FUT8: variants seen among roughly 807,000 people sequenced by gnomAD.
FUT8 encodes fucosyltransferase 8, also known as alpha-(1,6)-fucosyltransferase.
A neutral mutation model predicts 71.3 loss-of-function variants in FUT8; 29 were observed. The observed-to-expected ratio is 0.41, with a 90% CI of 0.30 to 0.55. FUT8 has a LOEUF of 0.55. FUT8 is among the 20% of genes least tolerant of loss of function. The pLI, the probability that FUT8 is intolerant of heterozygous loss-of-function variation, is 0.34. For synonymous variants in FUT8, 254 were observed against 239.3 expected (o/e 1.06, Z -0.57); for missense variants, 544 against 702.1 (o/e 0.77, Z 2.55).
chr14:65,729,306 C>T (rs1226361734), intron 9 of FUT8, among the ~76,000 whole-genome samples: 1 of 152,040 alleles, frequency 6.6e-6, no homozygotes, highest in African/African-American at 2.4e-5. Context: ...CGTGAGCCAC[C>T]ATGCCCAGCC....
In FUT8 at chr14:65,413,372, G is replaced by T. The variant is rs1211618799; in HGVS notation, c.-326+158G>T. ...AACCAGCGGCTCTCGGAAAAGTGGGGAGGGAGCCCCCGGGACGCTCTGGCG... is the reference window on the plus strand; with the variant it reads ...AACCAGCGGCTCTCGGAAAAGTGGGTAGGGAGCCCCCGGGACGCTCTGGCG... On this transcript the variant is annotated intron_variant, in intron 1 of 10. Transcript: ENST00000673929. This position sits in a 1 kb window ranked among gnomAD's most constrained non-coding sequence, Gnocchi z 4.1. Among the ~76,000 whole-genome samples, 1 of 152,218 alleles carries T rather than the reference G, an allele frequency of 6.6e-6. No individual in the cohort carries two copies. Among genetic ancestry groups the T allele is most frequent in the African/African-American group, 2.4e-5 (1 of 41,470 alleles).
chr14:65,679,148 G>A (rs1190786590), intron 7 of FUT8, among the ~76,000 whole-genome samples: 1 of 152,168 alleles, frequency 6.6e-6, no homozygotes, highest in African/African-American at 2.4e-5. Flanking sequence ...ATCTTGCTGT[G>A]TTCACTGAAA....
rs117716616 is a variant in FUT8, at chr14:65,532,938, T to C, written c.-227-28399T>C. Among the ~76,000 whole-genome samples, 972 of 152,304 alleles carry C rather than the reference T, an allele frequency of 6.4e-3. 28 individuals are homozygous for C. The East Asian group carries it at 0.084, about 13-fold the overall frequency. On this transcript the variant is annotated intron_variant, in intron 2 of 10. Transcript: ENST00000673929. ...TTTGTAGGCTTTGTTGAAGATCAGATGGTTGTAGATATGCAGTCTTATTTC... is the reference window on the plus strand; with the variant it reads ...TTTGTAGGCTTTGTTGAAGATCAGACGGTTGTAGATATGCAGTCTTATTTC...
At chr14:65,383,502 C>T in the FUT8 span, among the ~76,000 whole-genome samples, 1 of 152,044 alleles carries the variant, frequency 6.6e-6, no homozygotes, top group Non-Finnish European at 1.5e-5. Flanking sequence ...GAACTCCTGA[C>T]CTTGTGATCC....
At chr14:65,618,960 C>T (rs1009605719) in intron 5 of FUT8, among the ~76,000 whole-genome samples, 5 of 152,014 alleles carry the variant, frequency 3.3e-5, no homozygotes, top group African/African-American at 1.2e-4. Context: ...GTGGGAGCCC[C>T]TGATTTGACA....
intron 7 of FUT8, among the ~76,000 whole-genome samples, chr14:65,701,436 A>G (rs1894290013): frequency 1.3e-5 from 2 of 152,138 alleles, no homozygotes; most frequent in Admixed American, 1.3e-4. Flanking sequence ...AAAGTAGGCT[A>G]TTTTTCCTTC....
At chr14:65,358,328 T>G in the FUT8 span, among the ~76,000 whole-genome samples, 6 of 152,190 alleles carry the variant, frequency 3.9e-5, no homozygotes, top group African/African-American at 1.4e-4. Flanking sequence ...TTGTGTGAAT[T>G]ATAAATAAAT....
chr14:65,578,299 T>A (rs1886899750), intron 3 of FUT8, among the ~76,000 whole-genome samples: 1 of 152,204 alleles, frequency 6.6e-6, no homozygotes, highest in African/African-American at 2.4e-5. Context: ...GGCATATTGA[T>A]TTCAGTATCA....
At chr14:65,587,724 A>T (rs987904277) in intron 3 of FUT8, among the ~76,000 whole-genome samples, 15 of 152,210 alleles carry the variant, frequency 9.9e-5, no homozygotes, top group African/African-American at 3.6e-4. Context: ...TGGGGCTTAG[A>T]GTTGCACAAT....
In FUT8 at chr14:65,439,953, T is replaced by TGTATAC. The variant is rs1555360985; in HGVS notation, c.-325-15663_-325-15662insCGTATA. Among the ~76,000 whole-genome samples, 15 of 47,224 alleles carry TGTATAC rather than the reference T, an allele frequency of 3.2e-4. 1 individual carries two copies. Among genetic ancestry groups the TGTATAC allele is most frequent in the South Asian group, 7.0e-4 (1 of 1,424 alleles). 31.0% of individuals were successfully genotyped at this position (47,224 alleles called of 152,430 possible). On this transcript the variant is annotated intron_variant, in intron 1 of 10. Coordinates refer to ENST00000673929, the MANE Select transcript of FUT8 (RefSeq NM_001371533.1). ...GATAAAGAAAATGTGTGTGTGTGTG[T>TGTATAC]GTATATATATATATATATATATATA...
Position 65,631,821 on chromosome 14 carries a change from C to T in FUT8, c.597+2215C>T, listed in dbSNP as rs1382482772. 2.6e-5 allele frequency among the ~76,000 whole-genome samples: 4 copies of T among 152,138 alleles called. No individual in the cohort carries two copies. The East Asian group carries it at 7.7e-4, about 29-fold the overall frequency. On this transcript the variant is annotated intron_variant, in intron 6 of 10. Transcript: ENST00000673929. Reference sequence around the variant, plus strand: ...TCACCTGAGCAGTATACACTGCACCCTATTTGTAGTCTTTCATCGCTCGCT... The same window carrying T: ...TCACCTGAGCAGTATACACTGCACCTTATTTGTAGTCTTTCATCGCTCGCT...
At chr14:65,368,802 A>G in the FUT8 span, among the ~76,000 whole-genome samples, 5 of 151,904 alleles carry the variant, frequency 3.3e-5, no homozygotes, top group South Asian at 4.2e-4. Flanking sequence ...GATTACAGGC[A>G]TGAGCCACCG....
At chr14:65,601,566 TATC>T (rs1229406969) in intron 3 of FUT8, among the ~76,000 whole-genome samples, 1 of 152,208 alleles carries the variant, frequency 6.6e-6, no homozygotes, top group Non-Finnish European at 1.5e-5. Flanking sequence ...TTTTTCTTAT[TATC>T]ATGTGAAACA....
intron 1 of FUT8, among the ~76,000 whole-genome samples, chr14:65,432,317 T>C (rs1221251881): frequency 6.6e-6 from 1 of 152,214 alleles, no homozygotes; most frequent in Non-Finnish European, 1.5e-5. Context: ...GATTGTCATC[T>C]AATTGTCATG....
At chr14:65,543,852 G>T (rs1179779568) in intron 2 of FUT8, among the ~76,000 whole-genome samples, 2 of 152,120 alleles carry the variant, frequency 1.3e-5, no homozygotes, top group East Asian at 3.9e-4. Context: ...CATATGGCTG[G>T]AATTGAGGCA....
the FUT8 span, among the ~76,000 whole-genome samples, chr14:65,363,476 C>T: frequency 2.0e-5 from 3 of 152,180 alleles, no homozygotes; most frequent in East Asian, 5.8e-4. Flanking sequence ...AGGCTTGTCT[C>T]GAACTCCTGA....
chr14:65,453,805 A>G (rs1040399640), intron 1 of FUT8, among the ~76,000 whole-genome samples: 1 of 152,140 alleles, frequency 6.6e-6, no homozygotes, highest in Non-Finnish European at 1.5e-5. Context: ...CCCAATGTAC[A>G]TATCTGTAGC....
chr14:65,524,404 G>T (rs1883300546), intron 2 of FUT8, among the ~76,000 whole-genome samples: 1 of 152,172 alleles, frequency 6.6e-6, no homozygotes, highest in Admixed American at 6.5e-5. Context: ...GAATGCTTGT[G>T]ATTTTTGCAC....
intron 2 of FUT8, among the ~76,000 whole-genome samples, chr14:65,511,223 C>T (rs1882318991): frequency 6.6e-6 from 1 of 151,992 alleles, no homozygotes; most frequent in Non-Finnish European, 1.5e-5. Flanking sequence ...TTCCAAAATT[C>T]CCCTTGCTAT....
Sources: allele counts gnomAD v4.1 joint callset (sites outside exome capture counted in the v4.1 genomes callset), GRCh38; gene constraint gnomAD v4.1.1; non-coding constraint Gnocchi (gnomAD v3.1); transcripts MANE v1.5; gene names NCBI Gene and HGNC (gene_info 2026-07-23, HGNC 2026-07-21).